The following ARHGEF3 variants were observed in gnomAD, a reference collection of about 807,000 sequenced individuals.
ARHGEF3 encodes the protein 59.8 kDA protein.
Under a neutral mutation model 63.2 loss-of-function variants are expected in ARHGEF3, and 28 were observed. The observed-to-expected ratio is 0.44, with a 90% CI of 0.33 to 0.61. ARHGEF3 has a LOEUF of 0.61. Among genes scored for constraint, ARHGEF3 ranks in the 20% least tolerant of loss-of-function variants. The probability of loss-of-function intolerance (pLI) is 0.03; values close to 1 mark genes in which losing one functional copy is unlikely to be tolerated. For missense variants in ARHGEF3, 533 were observed against 659.3 expected, an observed-to-expected ratio of 0.81 and a Z score of 2.10; for synonymous variants, 266 against 254.2, an observed-to-expected ratio of 1.05 and a Z score of -0.44.
chr3:56,982,669 T>C (rs1338749977), intron 2 of ARHGEF3, among the ~76,000 whole-genome samples: 1 of 152,172 alleles, frequency 6.6e-6, no homozygotes, highest in African/African-American at 2.4e-5. Context: ...GAACCATAAG[T>C]ACCCAGTATA....
intron 4 of ARHGEF3, among the ~76,000 whole-genome samples, chr3:56,842,234 G>C (rs922113743): frequency 6.6e-6 from 1 of 152,102 alleles, no homozygotes; most frequent in African/African-American, 2.4e-5. Context: ...ATTGTAAGAT[G>C]CATGTGTATA....
chr3:56,785,107 A>T (rs78855690), intron 1 of ARHGEF3, among the ~76,000 whole-genome samples: 1,875 of 152,222 alleles, frequency 0.012, 73 homozygotes, highest in East Asian at 0.11. Flanking sequence ...TGATCCTTCC[A>T]GGGACAAAGC....
intron 3 of ARHGEF3, among the ~76,000 whole-genome samples, chr3:56,929,320 T>C (rs1040384608): frequency 5.9e-5 from 9 of 152,222 alleles, no homozygotes; most frequent in African/African-American, 1.9e-4. Flanking sequence ...TTTCTTCTGC[T>C]ACAGAAAGAA....
intron 1 of ARHGEF3, among the ~76,000 whole-genome samples, chr3:57,064,130 A>G (rs1210183095): frequency 6.6e-6 from 1 of 152,058 alleles, no homozygotes; most frequent in African/African-American, 2.4e-5. Flanking sequence ...TTAATTGGGC[A>G]TAGTGGTGCA....
At chr3:56,807,290 C>T (rs1423484397) in intron 4 of ARHGEF3, among the ~76,000 whole-genome samples, 7 of 152,190 alleles carry the variant, frequency 4.6e-5, no homozygotes, top group Non-Finnish European at 1.0e-4. Flanking sequence ...ATACATTTCT[C>T]CCCTCCTCTT....
At chr3:56,861,311 T>C (rs2040064753) in intron 4 of ARHGEF3, among the ~76,000 whole-genome samples, 1 of 152,038 alleles carries the variant, frequency 6.6e-6, no homozygotes, top group Admixed American at 6.6e-5. Context: ...CCATCTAACT[T>C]TGAAGAAGTC....
At chr3:56,872,086 C>T (rs970738253) in intron 4 of ARHGEF3, among the ~76,000 whole-genome samples, 1 of 152,192 alleles carries the variant, frequency 6.6e-6, no homozygotes, top group Non-Finnish European at 1.5e-5. Flanking sequence ...GCTCTAACCA[C>T]AAATTTGTTT....
chr3:56,944,122 G>A (rs562655451), intron 3 of ARHGEF3, among the ~76,000 whole-genome samples: 90 of 152,010 alleles, frequency 5.9e-4, no homozygotes, highest in African/African-American at 1.9e-3. Context: ...GCAGGGAGCC[G>A]AAATCACTCC....
intron 2 of ARHGEF3, among the ~76,000 whole-genome samples, chr3:57,014,604 T>C (rs1319818647): frequency 6.6e-6 from 1 of 152,242 alleles, no homozygotes; most frequent in South Asian, 2.1e-4. Flanking sequence ...TCTAAACTTT[T>C]CAGTTTTTTT....
chr3:57,002,488 TA>T lies in ARHGEF3; in HGVS notation c.62+32599del, dbSNP rs1702265670. Among the ~76,000 whole-genome samples the T allele has an allele frequency of 1.5e-4, 7 of 48,240 alleles. 1 individual carries two copies. The highest frequency in any genetic ancestry group is 2.7e-4 in the Non-Finnish European group (7 of 25,804). The allele number at this position is 48,240 out of a possible 152,430, so 31.6% of individuals were successfully genotyped here. ...TATATATATATATATGTTATATATA[TA>T]TATATATGTTATATATATATATATG... On this transcript the variant is annotated intron_variant, in intron 2 of 12. Coordinates refer to the ARHGEF3 transcript ENST00000338458.
At chr3:57,007,656 G>A (rs372779301) in intron 2 of ARHGEF3, among the ~76,000 whole-genome samples, 81 of 152,272 alleles carry the variant, frequency 5.3e-4, no homozygotes, top group African/African-American at 1.9e-3. Context: ...TGAGTTCCGG[G>A]AACTCTGCTG....
At chr3:56,776,881 G>A (rs1012474744) in intron 1 of ARHGEF3, among the ~76,000 whole-genome samples, 4 of 152,000 alleles carry the variant, frequency 2.6e-5, no homozygotes, top group Non-Finnish European at 5.9e-5. Context: ...CCCCCACCAC[G>A]TGATTTTAAG....
chr3:56,788,309 C>T (rs2036922969), intron 1 of ARHGEF3, among the ~76,000 whole-genome samples: 1 of 152,142 alleles, frequency 6.6e-6, no homozygotes, highest in South Asian at 2.1e-4. Context: ...CTGCTTCTCC[C>T]CCTCCTCGTG....
chr3:56,911,759 C>T (rs2041858195), intron 3 of ARHGEF3, among the ~76,000 whole-genome samples: 1 of 151,964 alleles, frequency 6.6e-6, no homozygotes, highest in Non-Finnish European at 1.5e-5. Flanking sequence ...CCATGTTTAC[C>T]TCAGGACATA....
chr3:56,759,379 C>G (rs2035286262), intron 2 of ARHGEF3, among the ~76,000 whole-genome samples: 1 of 151,986 alleles, frequency 6.6e-6, no homozygotes, highest in South Asian at 2.1e-4. Context: ...GGGGTTTCAC[C>G]ATGTTGGTCT....
At chr3:56,867,877 A>T (rs575540497) in intron 4 of ARHGEF3, among the ~76,000 whole-genome samples, 117 of 152,328 alleles carry the variant, frequency 7.7e-4, no homozygotes, top group African/African-American at 2.8e-3. Flanking sequence ...ACATCCAGCC[A>T]CTGTGGAAAT....
intron 7 of ARHGEF3, among the ~76,000 whole-genome samples, chr3:56,741,192 T>C (rs2107717077): frequency 2.0e-5 from 3 of 150,528 alleles, no homozygotes; most frequent in African/African-American, 7.3e-5. Flanking sequence ...TTCTTTTTTT[T>C]TTTTTTTTTG....
At position 56,982,897 on chromosome 3, in the gene ARHGEF3, G is replaced by A. The variant is rs190575918; in HGVS notation, c.63-24008C>T. Among the ~76,000 whole-genome samples, 600 of 151,954 alleles carry A rather than the reference G, an allele frequency of 3.9e-3. 3 individuals are homozygous for A. Among genetic ancestry groups the A allele is most frequent in the Non-Finnish European group, 6.6e-3 (449 of 67,950 alleles). ...GCCCCGCAGTCCAGGCAACCTGACC[G>A]TCACCCACCTGCCCAGGGACCATCA... On this transcript the variant is annotated intron_variant, in intron 2 of 12. Transcript: ENST00000338458.
chr3:56,957,874 C>T (rs531828310), intron 3 of ARHGEF3, among the ~76,000 whole-genome samples: 28 of 152,244 alleles, frequency 1.8e-4, no homozygotes, highest in African/African-American at 6.0e-4. Context: ...CTGAGATTAG[C>T]GCTAGAATTC....
Sources: allele counts gnomAD v4.1 joint callset (sites outside exome capture counted in the v4.1 genomes callset), GRCh38; gene constraint gnomAD v4.1.1; transcripts MANE v1.5; gene names NCBI Gene and HGNC (gene_info 2026-07-23, HGNC 2026-07-21).